Variants in CACNA1A observed in about 807,000 individuals in gnomAD.
CACNA1A encodes the protein calcium voltage-gated channel subunit alpha1 A, also known as voltage-dependent P/Q-type calcium channel subunit alpha-1A.
Under a neutral mutation model 262.4 loss-of-function variants are expected in CACNA1A, and 57 were observed. The observed-to-expected ratio is 0.22, with a 90% CI of 0.18 to 0.27. The LOEUF (loss-of-function observed/expected upper bound fraction) is 0.27, where lower values mean the gene tolerates loss of function less well. Among genes scored for constraint, CACNA1A ranks in the 10% least tolerant of loss-of-function variants. The pLI is 1.00. For synonymous variants in CACNA1A, 1,431 were observed against 1,419.3 expected (o/e 1.01, Z -0.18); for missense variants, 2,526 against 3,562.8 (o/e 0.71, Z 7.41).
chr19:13,417,814 C>T lies in CACNA1A; in HGVS notation c.539+35062G>A, dbSNP rs560911645. Among the ~76,000 whole-genome samples, 6 of 149,258 alleles carry T rather than the reference C, an allele frequency of 4.0e-5. No homozygotes were observed. The East Asian group carries it at 7.9e-4, about 20-fold the overall frequency. On this transcript the variant is annotated intron_variant, in intron 3 of 46. Transcript: ENST00000360228. ...CTGAGGCAGGAGAATCGCTTGAACC[C>T]GGGAGGTGGAGGTTGCTGTGAGCTA... is the stretch of plus-strand genomic sequence containing the variant.
At chr19:13,381,000 T>C (rs1362484279) in intron 3 of CACNA1A, among the ~76,000 whole-genome samples, 4 of 152,016 alleles carry the variant, frequency 2.6e-5, no homozygotes, top group African/African-American at 9.7e-5. Context: ...GGTCTCGAAC[T>C]CCTGAGCTCA....
chr19:13,227,903 C>CTTT (rs34218031), intron 36 of CACNA1A, among the ~76,000 whole-genome samples: 12,828 of 74,140 alleles, frequency 0.17, 1,365 homozygotes, highest in African/African-American at 0.23. Flanking sequence ...TGTTCATTGC[C>CTTT]TTTTTTTTTT....
intron 3 of CACNA1A, among the ~76,000 whole-genome samples, chr19:13,427,256 A>C (rs891810152): frequency 2.0e-5 from 3 of 152,052 alleles, no homozygotes; most frequent in Non-Finnish European, 2.9e-5. Context: ...GTTCGAGACC[A>C]GCCTGACCAA....
chr19:13,257,651 C>T (rs2056607019), intron 27 of CACNA1A, 100 bp from the exon 28 acceptor site: 3 of 620,842 alleles, frequency 4.8e-6, no homozygotes, highest in Non-Finnish European at 5.5e-6. Flanking sequence ...AGTGAGATGG[C>T]AGAACAGGAA....
intron 3 of CACNA1A, among the ~76,000 whole-genome samples, chr19:13,388,245 CTTTTTTTTTTTTTT>C (rs1161893626): frequency 3.7e-4 from 32 of 85,714 alleles, no homozygotes; most frequent in African/African-American, 1.5e-3. Context: ...TCTTCCTCTT[CTTTTTTTTTTTTTT>C]TTTTTTTTTT....
Position 13,217,808 on chromosome 19 carries a change from G to C in CACNA1A, c.5732-3200C>G, listed in dbSNP as rs769126446. ...GTGTTGTCCAAACCCTGCACATTCC[G>C]ATGAAAGGACTGGCCCATTGACTTG... On this transcript the variant is annotated intron_variant, in intron 38 of 46. Transcript: ENST00000360228. Among the ~76,000 whole-genome samples the C allele has an allele frequency of 3.8e-4, 58 of 152,056 alleles. 2 individuals carry two copies. The highest frequency in any genetic ancestry group is 1.3e-4 in the Non-Finnish European group (9 of 68,016).
intron 1 of CACNA1A, among the ~76,000 whole-genome samples, chr19:13,465,831 G>T (rs1315818883): frequency 6.6e-6 from 1 of 152,182 alleles, no homozygotes; most frequent in African/African-American, 2.4e-5. Context: ...GCAAAGATTA[G>T]TATTTCATTC....
At position 13,285,060 on chromosome 19, in the gene CACNA1A, A is replaced by G; in HGVS notation, c.3692+8T>C. The stretch of plus-strand genomic sequence containing the variant: ...GCCCCCCCTGCCCTTGCTGGGGGCC[A>G]TACTCACGGGTTGGTCGTGGACAGG... On this transcript the variant is annotated splice_region_variant and intron_variant, in intron 21 of 46. Coordinates refer to ENST00000360228, the MANE Select transcript of CACNA1A (RefSeq NM_001127222.2). The G allele has an allele frequency of 6.2e-7, 1 of 1,613,926 alleles. No individual in the cohort carries two copies. The highest frequency in any genetic ancestry group is 8.5e-7 in the Non-Finnish European group (1 of 1,179,856).
chr19:13,249,022 G>A (rs2144709375), intron 30 of CACNA1A, among the ~76,000 whole-genome samples: 1 of 152,242 alleles, frequency 6.6e-6, no homozygotes, highest in African/African-American at 2.4e-5. Flanking sequence ...AGGCTGGAGG[G>A]CAGTGATGTG....
At chr19:13,343,290 T>C (rs1232342358) in intron 6 of CACNA1A, among the ~76,000 whole-genome samples, 3 of 151,896 alleles carry the variant, frequency 2.0e-5, no homozygotes, top group Admixed American at 6.6e-5. Flanking sequence ...CTAGCTAATT[T>C]TTGTATTTTT....
chr19:13,492,663 T>C (rs1286731683), intron 1 of CACNA1A, among the ~76,000 whole-genome samples: 2 of 152,122 alleles, frequency 1.3e-5, no homozygotes, highest in East Asian at 1.9e-4. Context: ...ATTTTTGTTA[T>C]GAAAATCAAA....
chr19:13,477,630 G>C (rs1978712170), intron 1 of CACNA1A, among the ~76,000 whole-genome samples: 1 of 152,228 alleles, frequency 6.6e-6, no homozygotes, highest in African/African-American at 2.4e-5. Context: ...GGACCAGGCA[G>C]TGTTCTAAGG....
chr19:13,443,596 C>T (rs1325567580), intron 3 of CACNA1A, among the ~76,000 whole-genome samples: 1 of 152,186 alleles, frequency 6.6e-6, no homozygotes, highest in Non-Finnish European at 1.5e-5. Flanking sequence ...ATCCTCCTGA[C>T]TTGGCCTCCT....
chr19:13,232,087 C>T (rs76981139), intron 34 of CACNA1A, among the ~76,000 whole-genome samples: 1 of 152,204 alleles, frequency 6.6e-6, no homozygotes, highest in Admixed American at 6.5e-5. Context: ...GCCCGTGCCC[C>T]ACCCCAGCAG....
intron 9 of CACNA1A, 26 bp from the exon 10 acceptor site, chr19:13,330,359 G>A: frequency 6.6e-7 from 1 of 1,521,270 alleles, no homozygotes; most frequent in Non-Finnish European, 8.9e-7. Flanking sequence ...CATGGCAAGA[G>A]AAAAAGACGT....
intron 6 of CACNA1A, among the ~76,000 whole-genome samples, chr19:13,344,888 G>C (rs1007645182): frequency 2.0e-5 from 3 of 151,918 alleles, no homozygotes; most frequent in Non-Finnish European, 2.9e-5. Flanking sequence ...CCAAGTAGCT[G>C]GGATTACAGG....
chr19:13,212,196 C>G lies in CACNA1A; in HGVS notation c.6210G>C (p.Met2070Ile). 1 of 1,613,872 alleles carries G rather than the reference C, an allele frequency of 6.2e-7. No individual in the cohort carries two copies. The highest frequency in any genetic ancestry group is 8.5e-7 in the Non-Finnish European group (1 of 1,179,788). ...PNSQSVEMRE[M>I]GRDGYSDSEH... ...CGCTGTCGGAGTAGCCATCTCTGCCCATCTCTCGCATCTCCACGGACTGCG... is the reference window on the plus strand; with the variant it reads ...CGCTGTCGGAGTAGCCATCTCTGCCGATCTCTCGCATCTCCACGGACTGCG... Residue 2070 changes from methionine to isoleucine, a missense_variant, in exon 43 of 47, where the codon ATG (methionine) becomes ATC (isoleucine). By Grantham distance (10) the Met-to-Ile change is conservative. Around this residue, in one of 17 missense-constraint regions of CACNA1A, gnomAD observed 929 missense variants for 868.1 expected, o/e 1.07. Coordinates refer to ENST00000360228, the MANE Select transcript of CACNA1A (RefSeq NM_001127222.2). This position sits in a 1 kb window ranked among gnomAD's most constrained non-coding sequence, Gnocchi z 5.6.
At chr19:13,265,746 C>T (rs2056847034) in intron 24 of CACNA1A, among the ~76,000 whole-genome samples, 1 of 152,110 alleles carries the variant, frequency 6.6e-6, no homozygotes, top group Non-Finnish European at 1.5e-5. Flanking sequence ...CAGGTAGATG[C>T]TAATAGGCCT....
At chr19:13,310,216 G>A (rs1418898040) in intron 12 of CACNA1A, among the ~76,000 whole-genome samples, 1 of 151,640 alleles carries the variant, frequency 6.6e-6, no homozygotes, top group Admixed American at 6.6e-5. Context: ...AGCACTTTGG[G>A]AGGCCAGGGC....
Sources: gnomAD v4.1 joint callset for allele counts (sites outside exome capture counted in the v4.1 genomes callset) on GRCh38, gnomAD v4.1.1 for gene constraint, gnomAD v4.1.1 regional missense constraint, Gnocchi (gnomAD v3.1) non-coding constraint, MANE v1.5 for transcripts, NCBI Gene and HGNC (gene_info 2026-07-23, HGNC 2026-07-21) for gene names.